The following PACS1 variants were observed in gnomAD, a reference collection of about 807,000 sequenced individuals.
The protein encoded by PACS1 is phosphofurin acidic cluster sorting protein 1.
Under a neutral mutation model 115.0 loss-of-function variants are expected in PACS1, and 24 were observed. The ratio of observed to expected loss-of-function variants is 0.21; its 90% CI spans 0.15 to 0.29. PACS1 has a LOEUF of 0.29. Among genes scored for constraint, PACS1 ranks in the 10% least tolerant of loss-of-function variants. PACS1 has a pLI of 1.00. For missense variants in PACS1, 838 were observed against 1,251.2 expected (o/e 0.67, Z 4.98); for synonymous variants, 453 against 504.5 (o/e 0.90, Z 1.37).
intron 1 of PACS1, among the ~76,000 whole-genome samples, chr11:66,172,008 CAATT>C (rs1173654023): frequency 1.3e-5 from 2 of 152,184 alleles, no homozygotes; most frequent in East Asian, 1.9e-4. Flanking sequence ...TCTTCTGAAA[CAATT>C]AAAGGCCCTA....
chr11:66,111,635 T>G (rs115470959), intron 1 of PACS1, among the ~76,000 whole-genome samples: 2 of 152,074 alleles, frequency 1.3e-5, no homozygotes, highest in Non-Finnish European at 2.9e-5. Context: ...TTATCCCAGA[T>G]TATTATTCTT....
In PACS1 at chr11:66,233,917, G is replaced by A; in HGVS notation, c.1971G>A (p.Met657Ile). 3 of 1,581,158 alleles carry A rather than the reference G, an allele frequency of 1.9e-6. No homozygotes were observed. Among genetic ancestry groups the A allele is most frequent in the Non-Finnish European group, 2.6e-6 (3 of 1,161,226 alleles). The change falls in exon 16 of 24, where the codon ATG (methionine) becomes ATA (isoleucine). Residue 657 changes from methionine to isoleucine, a missense_variant. Met to Ile is a conservative substitution (Grantham distance 10). Around this residue, in one of 6 missense-constraint regions of PACS1, gnomAD observed 383 missense variants for 537.0 expected, o/e 0.71. Transcript: ENST00000320580. The surrounding 1 kb of genome is among the most constrained non-coding windows in gnomAD (Gnocchi z 4.5). Reference sequence around the variant, plus strand: ...AGACCTCCGACTGGCTTGGCTACATGCGCTTCCTCATCATCCCCCTCGGTA... The same window carrying A: ...AGACCTCCGACTGGCTTGGCTACATACGCTTCCTCATCATCCCCCTCGGTA... ...ANKTSDWLGY[M>I]RFLIIPLGSH...
chr11:66,074,049 C>A (rs1272486454), intron 1 of PACS1, among the ~76,000 whole-genome samples: 3 of 151,310 alleles, frequency 2.0e-5, no homozygotes, highest in African/African-American at 7.3e-5. Context: ...GTGTGAGCCA[C>A]TGTGCCCAGC....
chr11:66,220,130 C>T (rs561265368), intron 8 of PACS1, among the ~76,000 whole-genome samples: 3 of 152,250 alleles, frequency 2.0e-5, no homozygotes, highest in Non-Finnish European at 4.4e-5. Flanking sequence ...TCTTATCCCA[C>T]GGGAACATCA....
At chr11:66,149,987 G>A (rs555373) in intron 1 of PACS1, among the ~76,000 whole-genome samples, 33,896 of 151,856 alleles carry the variant, frequency 0.22, 4,600 homozygotes, top group South Asian at 0.39. Flanking sequence ...CACCTCAGGC[G>A]ATCCACCCGT....
intron 4 of PACS1, among the ~76,000 whole-genome samples, chr11:66,212,166 T>C (rs1221003904): frequency 1.3e-5 from 2 of 151,662 alleles, no homozygotes; most frequent in Non-Finnish European, 2.9e-5. Context: ...GGAGTCTTGC[T>C]CTGTCGCCAG....
At chr11:66,098,716 G>C (rs537497) in intron 1 of PACS1, among the ~76,000 whole-genome samples, 1 of 151,874 alleles carries the variant, frequency 6.6e-6, no homozygotes, top group Admixed American at 6.6e-5. Flanking sequence ...AGCTGTCAGC[G>C]TCTCTTCACA....
chr11:66,082,136 A>G (rs1857491079), intron 1 of PACS1, among the ~76,000 whole-genome samples: 1 of 152,248 alleles, frequency 6.6e-6, no homozygotes, highest in Admixed American at 6.5e-5. Flanking sequence ...GATCTTAATG[A>G]TGAATGGATT....
chr11:66,228,398 A>T (rs947551734), intron 11 of PACS1, among the ~76,000 whole-genome samples: 9 of 152,164 alleles, frequency 5.9e-5, no homozygotes, highest in African/African-American at 2.2e-4. Flanking sequence ...TACATTAAAG[A>T]TCTTATGTAT....
intron 1 of PACS1, among the ~76,000 whole-genome samples, chr11:66,095,962 T>A (rs778067984): frequency 4.6e-5 from 7 of 151,174 alleles, no homozygotes; most frequent in Non-Finnish European, 7.4e-5. Context: ...TGAGATAGAG[T>A]CTCACTCTGT....
At chr11:66,118,804 A>C (rs2134557736) in intron 1 of PACS1, among the ~76,000 whole-genome samples, 1 of 151,660 alleles carries the variant, frequency 6.6e-6, no homozygotes, top group South Asian at 2.1e-4. Flanking sequence ...AAAGAAAAAG[A>C]AAAAAAGATA....
intron 1 of PACS1, among the ~76,000 whole-genome samples, chr11:66,143,311 A>G (rs556751564): frequency 3.3e-5 from 5 of 152,170 alleles, no homozygotes; most frequent in Non-Finnish European, 7.4e-5. Flanking sequence ...CCCCTTCCCC[A>G]GGTGGAGCAT....
intron 1 of PACS1, among the ~76,000 whole-genome samples, chr11:66,101,409 T>C (rs1014214947): frequency 2.0e-5 from 3 of 152,230 alleles, no homozygotes; most frequent in African/African-American, 7.2e-5. Flanking sequence ...ACATTGAAAC[T>C]AATTTTTGCA....
rs555371116 is a variant in PACS1, at chr11:66,200,006, G to A, written c.444+6433G>A. 1.0e-3 allele frequency among the ~76,000 whole-genome samples: 152 copies of A among 145,034 alleles called. 1 individual carries two copies. Among genetic ancestry groups the A allele is most frequent in the Admixed American group, 1.9e-3 (26 of 13,996 alleles). ...TGCACTCCAACCCAGGCAACTGTGC[G>A]AGACTCTGTCTCAAAAAAACAAAAA... On this transcript the variant is annotated intron_variant, in intron 2 of 23. Coordinates refer to ENST00000320580, the MANE Select transcript of PACS1 (RefSeq NM_018026.4).
chr11:66,223,996 G>A (rs1855415845), intron 10 of PACS1, among the ~76,000 whole-genome samples: 1 of 152,052 alleles, frequency 6.6e-6, no homozygotes, highest in African/African-American at 2.4e-5. Context: ...TCAGGAGTTC[G>A]AGACCAGCCT....
At chr11:66,109,644 C>A (rs502898) in intron 1 of PACS1, among the ~76,000 whole-genome samples, 150,201 of 152,282 alleles carry the variant, frequency 0.99, 74,100 homozygotes, top group Middle Eastern at 1. Context: ...TTATCTTCCA[C>A]ATTTTCTGCT....
intron 1 of PACS1, among the ~76,000 whole-genome samples, chr11:66,182,445 C>T (rs528240986): frequency 7.9e-5 from 12 of 151,794 alleles, no homozygotes; most frequent in South Asian, 2.1e-4. Flanking sequence ...CAAACATTTT[C>T]GGGAAGAAAA....
At chr11:66,087,175 C>T (rs1351958806) in intron 1 of PACS1, among the ~76,000 whole-genome samples, 1 of 151,980 alleles carries the variant, frequency 6.6e-6, no homozygotes, top group African/African-American at 2.4e-5. Flanking sequence ...TCCAGCAGCA[C>T]GCATTAGTTT....
intron 1 of PACS1, among the ~76,000 whole-genome samples, chr11:66,186,941 A>G (rs1329504328): frequency 6.6e-6 from 1 of 152,154 alleles, no homozygotes; most frequent in Non-Finnish European, 1.5e-5. Flanking sequence ...TACTGGCATC[A>G]CCACATGTTG....
Sources: gnomAD v4.1 joint callset for allele counts (sites outside exome capture counted in the v4.1 genomes callset) on GRCh38, gnomAD v4.1.1 for gene constraint, gnomAD v4.1.1 regional missense constraint, Gnocchi (gnomAD v3.1) non-coding constraint, MANE v1.5 for transcripts, NCBI Gene and HGNC (gene_info 2026-07-23, HGNC 2026-07-21) for gene names.